The following YAP1 variants were observed in gnomAD, a reference collection of about 807,000 sequenced individuals.
YAP1 encodes Yes1 associated transcriptional regulator.
A neutral mutation model predicts 56.9 loss-of-function variants in YAP1; 5 were observed. The observed-to-expected ratio is 0.09, with a 90% confidence interval of 0.05 to 0.18. YAP1 has a LOEUF of 0.18. Ranked by LOEUF, YAP1 falls within the 10% of genes least tolerant of loss-of-function variation. The pLI, the probability that YAP1 is intolerant of heterozygous loss-of-function variation, is 1.00. For synonymous variants in YAP1, 265 were observed against 248.1 expected (o/e 1.07, Z -0.64); for missense variants, 539 against 651.8 (o/e 0.83, Z 1.88).
At chr11:102,174,405 T>G (rs928617698) in intron 3 of YAP1, among the ~76,000 whole-genome samples, 2 of 152,094 alleles carry the variant, frequency 1.3e-5, no homozygotes, top group Non-Finnish European at 2.9e-5. Context: ...GAGACCATCC[T>G]GGCCAACATG....
At chr11:102,174,678 T>C (rs1947130002) in intron 3 of YAP1, among the ~76,000 whole-genome samples, 1 of 152,170 alleles carries the variant, frequency 6.6e-6, no homozygotes, top group African/African-American at 2.4e-5. Flanking sequence ...ACAGATAGGC[T>C]CTTAATCATG....
intron 2 of YAP1, among the ~76,000 whole-genome samples, chr11:102,133,683 G>C (rs1944505459): frequency 2.0e-5 from 3 of 152,170 alleles, no homozygotes; most frequent in Admixed American, 2.0e-4. Flanking sequence ...TAAGAAATAA[G>C]TTTAGATGAC....
At chr11:102,183,702 CTGTG>C (rs140546191) in intron 3 of YAP1, among the ~76,000 whole-genome samples, 145 of 141,792 alleles carry the variant, frequency 1.0e-3, no homozygotes, top group East Asian at 1.5e-3. Context: ...AATGCTGTTT[CTGTG>C]TGTGTGTGTG....
At chr11:102,190,661 G>A (rs1948225167) in intron 4 of YAP1, among the ~76,000 whole-genome samples, 1 of 151,908 alleles carries the variant, frequency 6.6e-6, no homozygotes, top group Non-Finnish European at 1.5e-5. Context: ...TAACAGGCTG[G>A]ATGCAGTGGC....
chr11:102,177,805 G>T (rs1050595662), intron 3 of YAP1, among the ~76,000 whole-genome samples: 1 of 152,064 alleles, frequency 6.6e-6, no homozygotes, highest in African/African-American at 2.4e-5. Context: ...GGAGGAGAAA[G>T]ACTAGTATTG....
At chr11:102,208,115 A>G (rs1949215645) in intron 5 of YAP1, among the ~76,000 whole-genome samples, 1 of 152,206 alleles carries the variant, frequency 6.6e-6, no homozygotes, top group African/African-American at 2.4e-5. Flanking sequence ...GCTCAGAGGA[A>G]CTTTGCCCAG....
intron 3 of YAP1, among the ~76,000 whole-genome samples, chr11:102,176,529 G>A (rs1240180703): frequency 6.6e-6 from 1 of 151,878 alleles, no homozygotes; most frequent in Non-Finnish European, 1.5e-5. Flanking sequence ...GGTGGATCTT[G>A]AGGTCAGGAG....
At chr11:102,191,753 G>T (rs987520356) in intron 4 of YAP1, among the ~76,000 whole-genome samples, 1 of 152,056 alleles carries the variant, frequency 6.6e-6, no homozygotes, top group African/African-American at 2.4e-5. Flanking sequence ...CTCAATCTCA[G>T]TTCACTGCAG....
At chr11:102,122,267 GA>G (rs1028744282) in intron 2 of YAP1, among the ~76,000 whole-genome samples, 14 of 150,444 alleles carry the variant, frequency 9.3e-5, no homozygotes, top group Admixed American at 2.6e-4. Flanking sequence ...AAAATAGAAG[GA>G]AAAAAAATGG....
At chr11:102,206,595 C>T (rs1439291976) in intron 5 of YAP1, among the ~76,000 whole-genome samples, 1 of 152,162 alleles carries the variant, frequency 6.6e-6, no homozygotes, top group Admixed American at 6.5e-5. Flanking sequence ...CCTGTAATCC[C>T]AGCACTTTGG....
intron 2 of YAP1, among the ~76,000 whole-genome samples, chr11:102,147,354 A>G (rs1206481686): frequency 2.0e-5 from 3 of 152,316 alleles, no homozygotes; most frequent in Admixed American, 1.3e-4. Context: ...TGATACTATG[A>G]AGAGATAAAC....
At chr11:102,228,081 A>G (rs1950280730) in intron 8 of YAP1, among the ~76,000 whole-genome samples, 1 of 151,928 alleles carries the variant, frequency 6.6e-6, no homozygotes, top group South Asian at 2.1e-4. Flanking sequence ...TAAATTGGAT[A>G]TATTAGCTCT....
intron 6 of YAP1, among the ~76,000 whole-genome samples, chr11:102,221,896 G>A (rs749804684): frequency 1.3e-5 from 2 of 151,878 alleles, no homozygotes; most frequent in Non-Finnish European, 1.5e-5. Flanking sequence ...AATACTAATG[G>A]TGCATACTAC....
chr11:102,131,470 C>G (rs983759410), intron 2 of YAP1, among the ~76,000 whole-genome samples: 2 of 152,168 alleles, frequency 1.3e-5, no homozygotes, highest in African/African-American at 4.8e-5. Context: ...GTAACTGTCC[C>G]TCACGATTGA....
intron 1 of YAP1, among the ~76,000 whole-genome samples, chr11:102,113,355 G>A (rs1409009554): frequency 1.3e-5 from 2 of 152,110 alleles, no homozygotes; most frequent in Non-Finnish European, 2.9e-5. Flanking sequence ...GAGAAAACAG[G>A]CATATGGAAG....
chr11:102,209,503 T>A lies in YAP1; in HGVS notation c.985-14T>A, dbSNP rs756385931. ...CTTAAAGTAATTTTTATCCGTCTTATTTTTTACTCTTAGGCAATGCGGAAT... is the reference window on the plus strand; with the variant it reads ...CTTAAAGTAATTTTTATCCGTCTTAATTTTTACTCTTAGGCAATGCGGAAT... On this transcript the variant is annotated splice_polypyrimidine_tract_variant and intron_variant, in intron 5 of 8. Transcript: ENST00000282441. 3.7e-6 allele frequency: 6 copies of A among 1,603,434 alleles called. No individual in the cohort carries two copies. The African/African-American group carries it at 8.1e-5, about 22-fold the overall frequency.
chr11:102,125,560 G>A (rs1397688963), intron 2 of YAP1, among the ~76,000 whole-genome samples: 2 of 151,110 alleles, frequency 1.3e-5, no homozygotes, highest in Non-Finnish European at 2.9e-5. Flanking sequence ...TATATTTTTA[G>A]TAGAGATGGG....
chr11:102,178,737 C>A (rs1947412295), intron 3 of YAP1, among the ~76,000 whole-genome samples: 1 of 152,102 alleles, frequency 6.6e-6, no homozygotes, highest in South Asian at 2.1e-4. Context: ...AATTTCTCAC[C>A]CTCTGTCAAT....
At chr11:102,177,073 G>T (rs1161632265) in intron 3 of YAP1, among the ~76,000 whole-genome samples, 1 of 152,122 alleles carries the variant, frequency 6.6e-6, no homozygotes, top group Non-Finnish European at 1.5e-5. Context: ...AGCAAAGAAG[G>T]TAGAGAGAAG....
Sources: gnomAD v4.1 joint callset for allele counts (sites outside exome capture counted in the v4.1 genomes callset) on GRCh38, gnomAD v4.1.1 for gene constraint, MANE v1.5 for transcripts, NCBI Gene and HGNC (gene_info 2026-07-23, HGNC 2026-07-21) for gene names.